Variants in KDM4C observed in about 807,000 individuals in gnomAD.
KDM4C encodes lysine demethylase 4C, also known as lysine-specific demethylase 4C.
KDM4C carries 81 observed loss-of-function variants against 129.3 expected under a neutral mutation model. The ratio of observed to expected loss-of-function variants is 0.63; its 90% CI spans 0.52 to 0.75. The LOEUF (loss-of-function observed/expected upper bound fraction) is 0.75, where lower values mean the gene tolerates loss of function less well. Ranked by LOEUF, KDM4C falls within the 30% of genes least tolerant of loss-of-function variation. The pLI is 0.00. For synonymous variants in KDM4C, 573 were observed against 456.1 expected, an observed-to-expected ratio of 1.26 and a Z score of -3.26; for missense variants, 1,457 against 1,304.0, an observed-to-expected ratio of 1.12 and a Z score of -1.81.
At chr9:7,068,914 C>A (rs1231320181) in intron 17 of KDM4C, among the ~76,000 whole-genome samples, 1 of 151,876 alleles carries the variant, frequency 6.6e-6, no homozygotes, top group South Asian at 2.1e-4. Context: ...CCAGACTGGT[C>A]TCGAACTCCT....
intron 8 of KDM4C, among the ~76,000 whole-genome samples, chr9:6,899,102 A>G (rs1335458190): frequency 1.3e-5 from 2 of 150,206 alleles, no homozygotes; most frequent in African/African-American, 2.5e-5. Context: ...TCTGATTCCT[A>G]GGTTCTGATG....
At chr9:7,057,927 C>T (rs941662051) in intron 17 of KDM4C, among the ~76,000 whole-genome samples, 2 of 152,166 alleles carry the variant, frequency 1.3e-5, no homozygotes, top group African/African-American at 4.8e-5. Flanking sequence ...TGTTGAAAAG[C>T]GATCTTGTTC....
chr9:6,975,166 G>C (rs997781231), intron 8 of KDM4C, among the ~76,000 whole-genome samples: 1 of 152,182 alleles, frequency 6.6e-6, no homozygotes, highest in Non-Finnish European at 1.5e-5. Context: ...AGTGAAGCCT[G>C]CAAATATTCC....
At chr9:7,167,657 C>T (rs1464839261) in intron 20 of KDM4C, among the ~76,000 whole-genome samples, 3 of 152,182 alleles carry the variant, frequency 2.0e-5, no homozygotes, top group Non-Finnish European at 4.4e-5. Context: ...GCTAACAGTA[C>T]GTGGATAATA....
intron 8 of KDM4C, among the ~76,000 whole-genome samples, chr9:6,969,296 T>G (rs1831534610): frequency 6.6e-6 from 1 of 152,226 alleles, no homozygotes; most frequent in African/African-American, 2.4e-5. Flanking sequence ...GAATTGCATT[T>G]TTATATGTAT....
At chr9:6,874,024 C>A (rs950538858) in intron 5 of KDM4C, among the ~76,000 whole-genome samples, 2 of 152,104 alleles carry the variant, frequency 1.3e-5, no homozygotes, top group Admixed American at 1.3e-4. Flanking sequence ...TATGTTCACG[C>A]TCTTATGTGG....
intron 17 of KDM4C, among the ~76,000 whole-genome samples, chr9:7,093,272 G>C (rs1195678275): frequency 1.3e-5 from 2 of 152,160 alleles, no homozygotes; most frequent in Non-Finnish European, 2.9e-5. Context: ...TTGATTCATT[G>C]TGAGAGTGAA....
chr9:7,145,143 T>C (rs1414914819), intron 19 of KDM4C, among the ~76,000 whole-genome samples: 1 of 151,202 alleles, frequency 6.6e-6, no homozygotes, highest in African/African-American at 2.4e-5. Context: ...TCCTCTCCTT[T>C]GACCAAAGAG....
intron 8 of KDM4C, among the ~76,000 whole-genome samples, chr9:6,948,458 ATT>A (rs568217316): frequency 2.9e-4 from 34 of 117,048 alleles, no homozygotes; most frequent in Admixed American, 3.3e-4. Flanking sequence ...CACTTTCCTC[ATT>A]TTTTTTTTTT....
chr9:7,141,405 G>T (rs761865876), intron 19 of KDM4C, among the ~76,000 whole-genome samples: 11 of 152,206 alleles, frequency 7.2e-5, no homozygotes, highest in South Asian at 2.1e-4. Flanking sequence ...GGACAAGCTT[G>T]CCTGAATACT....
chr9:7,016,984 G>A (rs1330262912), intron 15 of KDM4C, among the ~76,000 whole-genome samples: 2 of 152,074 alleles, frequency 1.3e-5, no homozygotes, highest in Non-Finnish European at 2.9e-5. Flanking sequence ...CATCCAGACT[G>A]GAGTGCAGTG....
At chr9:6,834,443 C>G in intron 4 of KDM4C, 1 of 472,632 alleles carries the variant, frequency 2.1e-6, no homozygotes, top group Non-Finnish European at 4.1e-6. Flanking sequence ...TCCACACCCG[C>G]TACCAGCTCA....
chr9:6,732,719 C>T (rs1370744513), intron 1 of KDM4C, among the ~76,000 whole-genome samples: 1 of 152,004 alleles, frequency 6.6e-6, no homozygotes, highest in Non-Finnish European at 1.5e-5. Flanking sequence ...AAAGAAAGTA[C>T]CACCACGTGG....
At chr9:6,924,855 T>C in intron 8 of KDM4C, 1 of 984,126 alleles carries the variant, frequency 1.0e-6, no homozygotes, top group Admixed American at 6.1e-5. Flanking sequence ...GGCTGTCCAC[T>C]ATATATTTTT....
intron 8 of KDM4C, among the ~76,000 whole-genome samples, chr9:6,904,678 T>G (rs183783630): frequency 5.9e-5 from 9 of 152,246 alleles, no homozygotes; most frequent in African/African-American, 2.2e-4. Flanking sequence ...CTTTGCAGTT[T>G]CTGTTTTACT....
chr9:7,011,587 T>C lies in KDM4C; in HGVS notation c.1787-111T>C. 5.1e-6 allele frequency: 5 copies of C among 980,052 alleles called. No individual in the cohort carries two copies. In the South Asian group the frequency reaches 7.7e-5, roughly 15 times the overall value. The allele number at this position is 980,052 out of a possible 1,614,324, so 60.7% of individuals were successfully genotyped here. A position where few individuals can be genotyped will look rare whatever the true frequency, so the allele number is the denominator to read the frequency against. ...TATTTGAAAGACAAAGTAGGTTTGGTTTCCGGCCTTAATATCACAGATTCT... is the reference window on the plus strand; with the variant it reads ...TATTTGAAAGACAAAGTAGGTTTGGCTTCCGGCCTTAATATCACAGATTCT... On this transcript the variant is annotated intron_variant, in intron 12 of 21. Coordinates refer to ENST00000381309, the MANE Select transcript of KDM4C (RefSeq NM_015061.6).
chr9:6,926,695 G>C (rs532326965), intron 8 of KDM4C, among the ~76,000 whole-genome samples: 1 of 152,120 alleles, frequency 6.6e-6, no homozygotes, highest in Non-Finnish European at 1.5e-5. Flanking sequence ...TCACAGCTAT[G>C]GTTTAGAGAA....
At chr9:7,127,979 T>G in intron 18 of KDM4C, 87 bp from the exon 19 acceptor site, 1 of 1,161,606 alleles carries the variant, frequency 8.6e-7, no homozygotes, top group Non-Finnish European at 1.1e-6. Flanking sequence ...TAAATGATTG[T>G]TTTTCAAATG....
intron 4 of KDM4C, among the ~76,000 whole-genome samples, chr9:6,843,695 G>T (rs572161923): frequency 6.2e-4 from 94 of 152,316 alleles, no homozygotes; most frequent in African/African-American, 2.2e-3. Flanking sequence ...TTCCAGTGCA[G>T]CATGGTGCTA....
Sources: allele counts gnomAD v4.1 joint callset (sites outside exome capture counted in the v4.1 genomes callset), GRCh38; gene constraint gnomAD v4.1.1; transcripts MANE v1.5; gene names NCBI Gene and HGNC (gene_info 2026-07-23, HGNC 2026-07-21).